Variants in XIRP2 observed in about 807,000 individuals in gnomAD.
XIRP2 encodes the protein xin actin binding repeat containing 2, also known as xin actin-binding repeat-containing protein 2.
A neutral mutation model predicts 277.0 loss-of-function variants in XIRP2; 236 were observed. The ratio of observed to expected loss-of-function variants is 0.85; its 90% CI spans 0.77 to 0.95. The LOEUF (loss-of-function observed/expected upper bound fraction) is 0.95, where lower values mean the gene tolerates loss of function less well. Among genes scored for constraint, XIRP2 ranks in the 40% least tolerant of loss-of-function variants. The probability of loss-of-function intolerance (pLI) is 0.00; values close to 1 mark genes in which losing one functional copy is unlikely to be tolerated. For missense variants in XIRP2, 4,640 were observed against 4,157.5 expected (o/e 1.12, Z -3.19); for synonymous variants, 1,490 against 1,416.5 (o/e 1.05, Z -1.17).
intron 2 of XIRP2, among the ~76,000 whole-genome samples, chr2:167,016,549 A>G (rs78403035): frequency 0.015 from 2,354 of 152,088 alleles, 57 homozygotes; most frequent in African/African-American, 0.054. Context: ...CTTGTACTCA[A>G]TATAACACAA....
chr2:167,155,650 C>T (rs374851483), intron 3 of XIRP2, among the ~76,000 whole-genome samples: 9 of 151,922 alleles, frequency 5.9e-5, no homozygotes, highest in Non-Finnish European at 1.2e-4. Context: ...ATACTGAATG[C>T]GCAAAAACTG....
At chr2:167,136,084 G>A (rs749325497) in intron 3 of XIRP2, 22 bp downstream of exon 3, 9 of 1,574,394 alleles carry the variant, frequency 5.7e-6, no homozygotes, top group Admixed American at 1.9e-5. Flanking sequence ...ATTTTGATAT[G>A]CTTTCTTGAC....
chr2:167,024,636 C>T (rs1351661236), intron 2 of XIRP2, among the ~76,000 whole-genome samples: 2 of 152,088 alleles, frequency 1.3e-5, no homozygotes, highest in Non-Finnish European at 2.9e-5. Flanking sequence ...CCATCAATAC[C>T]TAATGTATTG....
chr2:166,994,477 TAAAAAAAAAAAAA>T (rs1687150706), intron 2 of XIRP2, among the ~76,000 whole-genome samples: 1 of 97,692 alleles, frequency 1.0e-5, no homozygotes, highest in Non-Finnish European at 2.0e-5. Context: ...TAGAGTATAA[TAAAAAAAAAAAAA>T]TTAAAAAAAA....
chr2:167,098,515 A>G (rs1384461830), intron 2 of XIRP2, among the ~76,000 whole-genome samples: 3 of 152,136 alleles, frequency 2.0e-5, no homozygotes, highest in African/African-American at 4.8e-5. Flanking sequence ...GGAGTTTGTT[A>G]TTACCCACCT....
At chr2:167,130,069 T>A (rs1216916184) in intron 2 of XIRP2, among the ~76,000 whole-genome samples, 6 of 152,064 alleles carry the variant, frequency 3.9e-5, no homozygotes, top group African/African-American at 1.4e-4. Flanking sequence ...CTCTCCATAA[T>A]CAGCAATGAC....
At chr2:166,914,074 TG>T (rs754050384) in intron 2 of XIRP2, among the ~76,000 whole-genome samples, 28 of 152,206 alleles carry the variant, frequency 1.8e-4, no homozygotes, top group Non-Finnish European at 3.5e-4. Flanking sequence ...AAGATTTTCA[TG>T]AATTATCCCA....
rs568287326 is a variant in XIRP2, at chr2:167,259,314, C to G, written c.*1497C>G. On this transcript the variant is annotated 3_prime_UTR_variant, in exon 11 of 11. Coordinates refer to ENST00000409195, the MANE Select transcript of XIRP2 (RefSeq NM_152381.6). ...GTGGAGGTGCAGTCAGAACAACTCA[C>G]GGTGGAAGAGCAGATTAAAAGAAAC... 5 of 1,612,152 alleles carry G rather than the reference C, an allele frequency of 3.1e-6. No homozygotes were observed. The highest frequency in any genetic ancestry group is 4.2e-6 in the Non-Finnish European group (5 of 1,179,284).
intron 3 of XIRP2, among the ~76,000 whole-genome samples, chr2:167,148,159 A>T (rs560341686): frequency 1.3e-5 from 2 of 152,138 alleles, no homozygotes; most frequent in East Asian, 1.9e-4. Context: ...AGGCAGGTGG[A>T]TCACCTGAAG....
intron 2 of XIRP2, among the ~76,000 whole-genome samples, chr2:166,981,292 A>G (rs1686862873): frequency 1.3e-5 from 2 of 152,030 alleles, no homozygotes; most frequent in African/African-American, 4.8e-5. Context: ...TTCTCTTCCT[A>G]GCTTCTAGTG....
intron 2 of XIRP2, among the ~76,000 whole-genome samples, chr2:166,994,503 A>T (rs1687152820): frequency 1.4e-5 from 2 of 147,786 alleles, no homozygotes; most frequent in East Asian, 2.3e-4. Context: ...AAAAAAAAAA[A>T]AAAAAATTTG....
intron 2 of XIRP2, among the ~76,000 whole-genome samples, chr2:167,006,994 T>A (rs1687519799): frequency 6.6e-6 from 1 of 151,676 alleles, no homozygotes; most frequent in African/African-American, 2.4e-5. Flanking sequence ...ATTAAAACCC[T>A]CAGATATACC....
intron 3 of XIRP2, among the ~76,000 whole-genome samples, chr2:167,202,557 A>G (rs1019009667): frequency 6.6e-6 from 1 of 152,208 alleles, no homozygotes; most frequent in Non-Finnish European, 1.5e-5. Flanking sequence ...TTTGGGACAT[A>G]AAGAGTAATT....
chr2:167,214,872 A>G (rs1370324277), intron 4 of XIRP2, among the ~76,000 whole-genome samples: 4 of 152,022 alleles, frequency 2.6e-5, no homozygotes, highest in Admixed American at 2.6e-4. Context: ...AGGCTGGTAT[A>G]TCTGTTTTTT....
intron 1 of XIRP2, among the ~76,000 whole-genome samples, chr2:166,898,262 A>G (rs1168115164): frequency 6.6e-6 from 1 of 152,118 alleles, no homozygotes; most frequent in Non-Finnish European, 1.5e-5. Context: ...TCAGCTATTT[A>G]TCAAGGAACA....
At chr2:167,177,392 G>T (rs1297140827) in intron 3 of XIRP2, among the ~76,000 whole-genome samples, 4 of 152,092 alleles carry the variant, frequency 2.6e-5, no homozygotes, top group Non-Finnish European at 5.9e-5. Context: ...AATGTTTTCT[G>T]TTGCAATTTC....
chr2:166,965,471 T>C (rs1247612382), intron 2 of XIRP2, among the ~76,000 whole-genome samples: 1 of 151,934 alleles, frequency 6.6e-6, no homozygotes, highest in African/African-American at 2.4e-5. Context: ...TGAATGAGCC[T>C]GGAAGGACAG....
rs73970861 is a variant in XIRP2, at chr2:167,131,182, G to A, written c.409-4727G>A. Reference sequence around the variant, plus strand: ...ATTAATTTGACCCTCCTTCCCCTCAGTGAGAACAGGAACGCTTTCTGTTAT... The same window carrying A: ...ATTAATTTGACCCTCCTTCCCCTCAATGAGAACAGGAACGCTTTCTGTTAT... On this transcript the variant is annotated intron_variant, in intron 2 of 10. Coordinates refer to ENST00000409195, the MANE Select transcript of XIRP2 (RefSeq NM_152381.6). 5.1e-3 allele frequency among the ~76,000 whole-genome samples: 780 copies of A among 152,106 alleles called. 12 individuals carry two copies. The highest frequency in any genetic ancestry group is 0.017 in the African/African-American group (710 of 41,508).
intron 3 of XIRP2, among the ~76,000 whole-genome samples, chr2:167,141,666 C>T (rs539746973): frequency 6.6e-6 from 1 of 151,918 alleles, no homozygotes; most frequent in Non-Finnish European, 1.5e-5. Flanking sequence ...AGTTCAAGAC[C>T]AGCTTGGGCA....
Sources: allele counts gnomAD v4.1 joint callset (sites outside exome capture counted in the v4.1 genomes callset), GRCh38; gene constraint gnomAD v4.1.1; transcripts MANE v1.5; gene names NCBI Gene and HGNC (gene_info 2026-07-23, HGNC 2026-07-21).